APOC3: variants seen among roughly 807,000 people sequenced by gnomAD.
APOC3 encodes the protein apolipoprotein C3, also known as apolipoprotein C-III.
A neutral mutation model predicts 7.3 loss-of-function variants in APOC3; 6 were observed. The ratio of observed to expected loss-of-function variants is 0.82; its 90% CI spans 0.45 to 1.61. The LOEUF is 1.61. Ranked by LOEUF, APOC3 falls within the 40% of genes most tolerant of loss-of-function variation. The probability of loss-of-function intolerance (pLI) is 0.01; values close to 1 mark genes in which losing one functional copy is unlikely to be tolerated. For synonymous variants in APOC3, 45 were observed against 51.2 expected, an observed-to-expected ratio of 0.88 and a Z score of 0.52; for missense variants, 123 against 124.9, an observed-to-expected ratio of 0.98 and a Z score of 0.07.
In APOC3 at chr11:116,832,795, A is replaced by G. The variant is rs1941476665; in HGVS notation, c.211A>G (p.Lys71Glu). ...GWVTDGFSSLKDYWSTVKDKF... is the reference protein window; with the variant it reads ...GWVTDGFSSLEDYWSTVKDKF... ...GGTGACCGATGGCTTCAGTTCCCTG[A>G]AAGACTACTGGAGCACCGTTAAGGA... The change falls in exon 4 of 4, where the codon AAA becomes GAA. Residue 71 changes from lysine (K) to glutamate (E), a missense_variant. Coordinates refer to ENST00000227667, the MANE Select transcript of APOC3 (RefSeq NM_000040.3). 1 of 1,614,020 alleles carries G rather than the reference A, an allele frequency of 6.2e-7. No individual in the cohort carries two copies. The highest frequency in any genetic ancestry group is 1.3e-5 in the African/African-American group (1 of 74,916).
intron 1 of APOC3, 66 bp downstream of exon 1, chr11:116,830,006 G>A (rs771803274): frequency 1.2e-5 from 2 of 169,590 alleles, no homozygotes; most frequent in African/African-American, 2.4e-5. Context: ...GGAGCTCCCT[G>A]CCCAGCCCAG....
chr11:116,831,217 CTTTCTT>C (rs1565336426), intron 3 of APOC3: 4 of 167,164 alleles, frequency 2.4e-5, no homozygotes, highest in African/African-American at 1.2e-4. Flanking sequence ...TTCTTTCTTT[CTTTCTT>C]TCTTTCTTTC....
chr11:116,830,924 C>G, intron 3 of APOC3, 28 bp downstream of exon 3: 1 of 1,609,316 alleles, frequency 6.2e-7, no homozygotes, highest in Non-Finnish European at 8.5e-7. Flanking sequence ...CCTCCCCATC[C>G]CCCCTGCCAG....
At position 116,832,777 on chromosome 11, in the gene APOC3, G is replaced by A. The variant is rs149707394; in HGVS notation, c.193G>A (p.Asp65Asn). 44 of 1,613,978 alleles carry A rather than the reference G, an allele frequency of 2.7e-5. No homozygotes were observed. The highest frequency in any genetic ancestry group is 8.9e-5 in the East Asian group (4 of 44,890). The change falls in exon 4 of 4, where the codon GAT becomes AAT. Residue 65 changes from aspartate (D) to asparagine (N), a missense_variant. Physicochemically the swap from Asp to Asn is conservative, Grantham distance 23. Coordinates refer to ENST00000227667, the MANE Select transcript of APOC3 (RefSeq NM_000040.3). ...VAQQARGWVT[D>N]GFSSLKDYWS... ...TGACTGATTTAGGGGCTGGGTGACC[G>A]ATGGCTTCAGTTCCCTGAAAGACTA...
rs145735257 is a variant in APOC3 at position 116,831,138 on chromosome 11, G to A, written c.179+242G>A. 881 of 467,180 alleles carry A rather than the reference G, an allele frequency of 1.9e-3. 17 individuals carry two copies. The highest frequency in any genetic ancestry group is 0.01 in the African/African-American group (530 of 50,920). 28.9% of individuals were successfully genotyped at this position (467,180 alleles called of 1,614,324 possible). ...CCCCGGAGCAGTCCTAGGGCGTGCC[G>A]TTTTAGCCCTCATTTCCATTTTCCT... On this transcript the variant is annotated intron_variant, in intron 3 of 3. Transcript: ENST00000227667.
At chr11:116,830,433 G>A (rs558206291) in intron 1 of APOC3, 137 bp from the exon 2 acceptor site, 11 of 863,638 alleles carry the variant, frequency 1.3e-5, no homozygotes, top group South Asian at 4.3e-5. Flanking sequence ...CTGAGAGCCC[G>A]TATTAGCAGG....
intron 1 of APOC3, among the ~76,000 whole-genome samples, chr11:116,830,313 G>A (rs1479472894): frequency 6.6e-6 from 1 of 152,160 alleles, no homozygotes; most frequent in Non-Finnish European, 1.5e-5. Flanking sequence ...GGACTGGACG[G>A]AGATCAGTCC....
chr11:116,833,033 T>C lies in APOC3; in HGVS notation c.*149T>C. 5 of 1,119,938 alleles carry C rather than the reference T, an allele frequency of 4.5e-6. No individual in the cohort carries two copies. Among genetic ancestry groups the C allele is most frequent in the Non-Finnish European group, 6.6e-6 (5 of 759,810 alleles). The allele number at this position is 1,119,938 out of a possible 1,614,324, so 69.4% of individuals were successfully genotyped here. On this transcript the variant is annotated 3_prime_UTR_variant, in exon 4 of 4. Coordinates refer to ENST00000227667, the MANE Select transcript of APOC3 (RefSeq NM_000040.3). Reference sequence around the variant, plus strand: ...CTCATGCCTGGCCCCCCTCCAGGCATGCTGGCCTCCCAATAAAGCTGGACA... The same window carrying C: ...CTCATGCCTGGCCCCCCTCCAGGCACGCTGGCCTCCCAATAAAGCTGGACA...
intron 3 of APOC3, 166 bp downstream of exon 3, chr11:116,831,062 C>G (rs986919352): frequency 2.4e-6 from 2 of 835,436 alleles, no homozygotes; most frequent in Non-Finnish European, 3.8e-6. Flanking sequence ...CAGGCTGCTG[C>G]GGGAGAGATG....
At chr11:116,832,394 AC>A (rs1941472363) in intron 3 of APOC3, among the ~76,000 whole-genome samples, 1 of 152,116 alleles carries the variant, frequency 6.6e-6, no homozygotes, top group Non-Finnish European at 1.5e-5. Flanking sequence ...CCTCTGTCCT[AC>A]CCTGCTCAGA....
intron 1 of APOC3, 150 bp from the exon 2 acceptor site, chr11:116,830,420 C>A (rs780284678): frequency 1.1e-4 from 84 of 797,698 alleles, no homozygotes; most frequent in Non-Finnish European, 1.6e-4. Flanking sequence ...ACCAGTCCCC[C>A]TTCTGAGAGC....
chr11:116,832,023 C>T (rs1047385879), intron 3 of APOC3, among the ~76,000 whole-genome samples: 2 of 152,202 alleles, frequency 1.3e-5, no homozygotes, highest in African/African-American at 4.8e-5. Context: ...GTTGGGGACC[C>T]CTGGGCTAGG....
At chr11:116,830,949 A>T in intron 3 of APOC3, 53 bp downstream of exon 3, 1 of 1,305,250 alleles carries the variant, frequency 7.7e-7, no homozygotes. Flanking sequence ...CTCCATTCCC[A>T]CCCGCCCCTG....
intron 1 of APOC3, among the ~76,000 whole-genome samples, chr11:116,830,175 C>T (rs1346445810): frequency 1.3e-5 from 2 of 152,112 alleles, no homozygotes; most frequent in African/African-American, 2.4e-5. Context: ...GCTCCAAGTG[C>T]AGGTTCCCCC....
Position 116,832,854 on chromosome 11 carries a change from G to C in APOC3, c.270G>C (p.Glu90Asp). 1 of 1,613,990 alleles carries C rather than the reference G, an allele frequency of 6.2e-7. No homozygotes were observed. Among genetic ancestry groups the C allele is most frequent in the South Asian group, 1.1e-5 (1 of 91,076 alleles). Residue 90 changes from glutamate (E) to aspartate (D), a missense_variant, in exon 4 of 4, where the codon GAG becomes GAC. Physicochemically the swap from Glu to Asp is conservative, Grantham distance 45 (BLOSUM62 2). Transcript: ENST00000227667. ...CTGAGTTCTGGGATTTGGACCCTGAGGTCAGACCAACTTCAGCCGTGGCTG... is the reference window on the plus strand; with the variant it reads ...CTGAGTTCTGGGATTTGGACCCTGACGTCAGACCAACTTCAGCCGTGGCTG... ...KFSEFWDLDP[E>D]VRPTSAVAA
rs1356038581 is a variant in APOC3 at position 116,832,984 on chromosome 11, A to G, written c.*100A>G. 3.3e-6 allele frequency: 5 copies of G among 1,538,196 alleles called. No homozygotes were observed. Among genetic ancestry groups the G allele is most frequent in the African/African-American group, 1.4e-5 (1 of 73,286 alleles). On this transcript the variant is annotated 3_prime_UTR_variant, in exon 4 of 4. Coordinates refer to ENST00000227667, the MANE Select transcript of APOC3 (RefSeq NM_000040.3). ...CTGTAGGTTGCTTAAAAGGGACAGTATTCTCAGTGCTCTCCTACCCCACCT... is the reference window on the plus strand; with the variant it reads ...CTGTAGGTTGCTTAAAAGGGACAGTGTTCTCAGTGCTCTCCTACCCCACCT...
rs1314511978 is a variant in APOC3, at chr11:116,830,904, C to T, written c.179+8C>T. 10 of 1,611,818 alleles carry T rather than the reference C, an allele frequency of 6.2e-6. No individual in the cohort carries two copies. Among genetic ancestry groups the T allele is most frequent in the Middle Eastern group, 1.7e-4 (1 of 5,982 alleles). On this transcript the variant is annotated splice_region_variant and intron_variant, in intron 3 of 3. Coordinates refer to ENST00000227667, the MANE Select transcript of APOC3 (RefSeq NM_000040.3). ...GGTGGCCCAGCAGGCCAGGTACACC[C>T]GCTGGCCTCCCTCCCCATCCCCCCT...
chr11:116,830,217 C>G (rs1223379817), intron 1 of APOC3, among the ~76,000 whole-genome samples: 5 of 152,132 alleles, frequency 3.3e-5, no homozygotes, highest in Non-Finnish European at 5.9e-5. Context: ...TGGAGGAAGC[C>G]TTAGACAGCC....
chr11:116,831,040 C>T (rs951401648), intron 3 of APOC3, 144 bp downstream of exon 3: 17 of 992,142 alleles, frequency 1.7e-5, no homozygotes, highest in Non-Finnish European at 2.4e-5. Flanking sequence ...TCTTTCCTCA[C>T]AGGGCCTTTG....
Sources: gnomAD v4.1 joint callset for allele counts (sites outside exome capture counted in the v4.1 genomes callset) on GRCh38, gnomAD v4.1.1 for gene constraint, MANE v1.5 for transcripts, NCBI Gene and HGNC (gene_info 2026-07-23, HGNC 2026-07-21) for gene names.